Variants in GAK observed in about 807,000 individuals in gnomAD.
The protein encoded by GAK is cyclin-G-associated kinase.
GAK carries 79 observed loss-of-function variants against 143.9 expected under a neutral mutation model. The ratio of observed to expected loss-of-function variants is 0.55; its 90% confidence interval spans 0.46 to 0.66. The LOEUF (loss-of-function observed/expected upper bound fraction) is 0.66. Ranked by LOEUF, GAK falls within the 30% of genes least tolerant of loss-of-function variation. GAK has a pLI of 0.00. For synonymous variants in GAK, 881 were observed against 765.5 expected (o/e 1.15, Z -2.49); for missense variants, 1,693 against 1,779.7 (o/e 0.95, Z 0.88).
chr4:849,603 G>A lies in GAK; in HGVS notation c.*70C>T, dbSNP rs550619160. On this transcript the variant is annotated 3_prime_UTR_variant, in exon 28 of 28. Coordinates refer to ENST00000314167, the MANE Select transcript of GAK (RefSeq NM_005255.4). ...CTGCTGTCGCCCACGGGGTCCTCACGGTGGGGACCCAGGTCCCACGACGGC... is the reference window on the plus strand; with the variant it reads ...CTGCTGTCGCCCACGGGGTCCTCACAGTGGGGACCCAGGTCCCACGACGGC... 5.4e-4 allele frequency: 682 copies of A among 1,268,826 alleles called. No homozygotes were observed. Among genetic ancestry groups the A allele is most frequent in the Admixed American group, 1.1e-3 (57 of 51,994 alleles). The allele number at this position is 1,268,826 out of a possible 1,614,324, so 78.6% of individuals were successfully genotyped here.
chr4:898,048 G>A lies in GAK; in HGVS notation c.636C>T (p.Ala212=). ...CTCAGCTCACCTCTTCCTCCACCAG[G>A]GCTCGCCTCTGGGCGCTCCAGCTGT... ...PDYSWSAQRR[A]LVEEEITRNT... Residue 212 remains alanine, a synonymous_variant, in exon 6 of 28, where the codon GCC becomes GCT. Transcript: ENST00000314167. 6.2e-7 allele frequency: 1 copy of A among 1,613,332 alleles called. No individual in the cohort carries two copies. Among genetic ancestry groups the A allele is most frequent in the Non-Finnish European group, 8.5e-7 (1 of 1,179,722 alleles).
intron 1 of GAK, among the ~76,000 whole-genome samples, chr4:914,446 C>T (rs1560428948): frequency 4.2e-5 from 4 of 95,700 alleles, no homozygotes; most frequent in Non-Finnish European, 8.4e-5. Flanking sequence ...GCACGGCCCC[C>T]ACACACACAG....
At chr4:882,206 G>C (rs2279185) in intron 14 of GAK, among the ~76,000 whole-genome samples, 166 bp from the exon 15 acceptor site, 9,403 of 152,322 alleles carry the variant, frequency 0.062, 327 homozygotes, top group Middle Eastern at 0.088. Flanking sequence ...GCCGAGGCAA[G>C]AATGGAGCCC....
At chr4:922,280 C>T (rs1198215393) in intron 1 of GAK, among the ~76,000 whole-genome samples, 1 of 152,028 alleles carries the variant, frequency 6.6e-6, no homozygotes, top group Non-Finnish European at 1.5e-5. Flanking sequence ...TTTCGGAGGC[C>T]GAGGCGGGCA....
intron 23 of GAK, among the ~76,000 whole-genome samples, chr4:864,250 A>C (rs984773814): frequency 5.3e-5 from 8 of 152,136 alleles, no homozygotes; most frequent in Non-Finnish European, 1.0e-4. Flanking sequence ...AGTCCCAGTT[A>C]CTCAGGAGGC....
At chr4:866,145 G>C (rs1751124425) in intron 22 of GAK, among the ~76,000 whole-genome samples, 1 of 152,252 alleles carries the variant, frequency 6.6e-6, no homozygotes, top group Admixed American at 6.5e-5. Context: ...CCCACAACCT[G>C]TTCCAGGTTT....
chr4:887,909 G>A (rs1229371947), intron 11 of GAK: 1 of 87,592 alleles, frequency 1.1e-5, no homozygotes, highest in Non-Finnish European at 2.6e-5. Context: ...ACACACACAT[G>A]CACACATGTT....
At chr4:876,168 A>G (rs1163172519) in intron 18 of GAK, among the ~76,000 whole-genome samples, 1 of 152,220 alleles carries the variant, frequency 6.6e-6, no homozygotes, top group Non-Finnish European at 1.5e-5. Context: ...GAGCTTCCAG[A>G]CAGGACTGCC....
At chr4:926,285 G>C (rs1724728280) in intron 1 of GAK, among the ~76,000 whole-genome samples, 1 of 152,196 alleles carries the variant, frequency 6.6e-6, no homozygotes, top group African/African-American at 2.4e-5. Context: ...CCAAGGGTCA[G>C]CCGCAGCTGA....
chr4:885,293 GGGCCAGGTGCGGT>G (rs1716076025), intron 11 of GAK, among the ~76,000 whole-genome samples: 1 of 152,150 alleles, frequency 6.6e-6, no homozygotes, highest in African/African-American at 2.4e-5. Flanking sequence ...ACAAAAATAG[GGGCCAGGTGCGGT>G]GGCTCATGCC....
intron 18 of GAK, among the ~76,000 whole-genome samples, chr4:875,910 C>T (rs62297062): frequency 0.085 from 12,902 of 152,258 alleles, 755 homozygotes; most frequent in South Asian, 0.18. Context: ...CATTGCACTC[C>T]GGCCTGGGCG....
intron 9 of GAK, 109 bp downstream of exon 9, chr4:893,268 G>C: frequency 1.4e-6 from 1 of 728,936 alleles, no homozygotes; most frequent in Non-Finnish European, 2.1e-6. Flanking sequence ...CCTTCTGCAG[G>C]GGATCTGGGG....
chr4:862,852 A>G (rs181849360), intron 23 of GAK, among the ~76,000 whole-genome samples: 1 of 152,320 alleles, frequency 6.6e-6, no homozygotes, highest in East Asian at 1.9e-4. Flanking sequence ...GCAGCTGGTC[A>G]CCCAAAAGCT....
chr4:883,420 G>A lies in GAK; in HGVS notation c.1299C>T (p.Asn433=). 1 of 1,613,818 alleles carries A rather than the reference G, an allele frequency of 6.2e-7. No homozygotes were observed. The highest frequency in any genetic ancestry group is 8.5e-7 in the Non-Finnish European group (1 of 1,180,016). ...PAEGVESALK[N]NIEDVRLFLD... ...GGAACAACCGCACATCTTCGATGTT[G>A]TTTTTGAGCGCTGACTCCACACCTT... Residue 433 remains asparagine, a synonymous_variant, in exon 13 of 28, where the codon AAC becomes AAT. Coordinates refer to ENST00000314167, the MANE Select transcript of GAK (RefSeq NM_005255.4).
intron 18 of GAK, among the ~76,000 whole-genome samples, chr4:873,178 G>C (rs1172725095): frequency 2.0e-5 from 3 of 152,340 alleles, no homozygotes; most frequent in Non-Finnish European, 4.4e-5. Flanking sequence ...TGCATTTGAA[G>C]TTACACATTT....
rs1724421873 is a variant in GAK at position 924,694 on chromosome 4, C to T, written c.145+7349G>A. Among the ~76,000 whole-genome samples, 3 of 152,144 alleles carry T rather than the reference C, an allele frequency of 2.0e-5. No individual in the cohort carries two copies. In the South Asian group the frequency reaches 6.2e-4, roughly 32 times the overall value. ...GGTGGGAGGTGACCGGATTATGGGG[C>T]GGAGTTCCCCATGGCGTGGCTGCTC... On this transcript the variant is annotated intron_variant, in intron 1 of 27. Coordinates refer to ENST00000314167, the MANE Select transcript of GAK (RefSeq NM_005255.4).
chr4:911,218 C>G lies in GAK; in HGVS notation c.382+455G>C, dbSNP rs147089835. Among the ~76,000 whole-genome samples the G allele has an allele frequency of 8.7e-3, 1,330 of 152,218 alleles. 23 individuals are homozygous for G. The highest frequency in any genetic ancestry group is 0.03 in the African/African-American group (1,254 of 41,506). On this transcript the variant is annotated intron_variant, in intron 4 of 27. Transcript: ENST00000314167. The stretch of plus-strand genomic sequence containing the variant: ...CGGCCTCTCTTCTCCTTGCCAGGAC[C>G]CCAGAGCCCCTGACAAGGACGGACA...
At chr4:856,321 CCTG>C (rs1475511535) in intron 24 of GAK, among the ~76,000 whole-genome samples, 1 of 136,832 alleles carries the variant, frequency 7.3e-6, no homozygotes, top group East Asian at 2.1e-4. Context: ...GCTGCTCACA[CCTG>C]CTCACCACAG....
chr4:888,780 C>T (rs542261527), intron 11 of GAK, 67 bp downstream of exon 11: 2 of 1,539,272 alleles, frequency 1.3e-6, no homozygotes, highest in Non-Finnish European at 1.8e-6. Flanking sequence ...AGCCAGGAAG[C>T]AAGGGCCGGG....
Sources: allele counts gnomAD v4.1 joint callset (sites outside exome capture counted in the v4.1 genomes callset), GRCh38; gene constraint gnomAD v4.1.1; transcripts MANE v1.5; gene names NCBI Gene and HGNC (gene_info 2026-07-23, HGNC 2026-07-21).